The following CFAP299 variants were observed in gnomAD, a reference collection of about 807,000 sequenced individuals.
CFAP299 encodes the protein cilia and flagella associated protein 299, also known as cilia- and flagella-associated protein 299.
CFAP299 carries 21 observed loss-of-function variants against 27.0 expected under a neutral mutation model. The observed-to-expected ratio is 0.78, with a 90% confidence interval of 0.55 to 1.12. The LOEUF (loss-of-function observed/expected upper bound fraction) is 1.12, where lower values mean the gene tolerates loss of function less well. Ranked by LOEUF, CFAP299 falls within the 50% of genes most tolerant of loss-of-function variation. The pLI, the probability that CFAP299 is intolerant of heterozygous loss-of-function variation, is 0.00. For synonymous variants in CFAP299, 104 were observed against 98.1 expected (o/e 1.06, Z -0.36); for missense variants, 310 against 276.6 (o/e 1.12, Z -0.86).
intron 3 of CFAP299, among the ~76,000 whole-genome samples, chr4:80,778,589 T>A (rs1346011187): frequency 6.6e-6 from 1 of 152,108 alleles, no homozygotes; most frequent in Non-Finnish European, 1.5e-5. Flanking sequence ...TACAAATTAC[T>A]TTTAAGCTCT....
chr4:80,733,411 A>G (rs1324065171), intron 3 of CFAP299, among the ~76,000 whole-genome samples: 2 of 152,134 alleles, frequency 1.3e-5, no homozygotes, highest in African/African-American at 4.8e-5. Flanking sequence ...TAATCATATC[A>G]TGGAAAATTG....
chr4:80,355,426 C>T (rs529564549), intron 1 of CFAP299, among the ~76,000 whole-genome samples: 5 of 135,548 alleles, frequency 3.7e-5, no homozygotes, highest in South Asian at 4.7e-4. Context: ...GGCGCGATCT[C>T]GGCTCACTGC....
intron 4 of CFAP299, among the ~76,000 whole-genome samples, chr4:80,918,643 T>TA (rs1406801151): frequency 2.6e-5 from 4 of 152,018 alleles, no homozygotes; most frequent in Admixed American, 6.6e-5. Context: ...TGGTTTTATG[T>TA]AAAAAAAATT....
intron 2 of CFAP299, among the ~76,000 whole-genome samples, chr4:80,422,250 A>G (rs1727318927): frequency 6.6e-6 from 1 of 152,210 alleles, no homozygotes; most frequent in Non-Finnish European, 1.5e-5. Flanking sequence ...ACTATTCACC[A>G]TAGTGTCCTA....
intron 2 of CFAP299, among the ~76,000 whole-genome samples, chr4:80,366,473 T>A (rs907418884): frequency 9.9e-5 from 15 of 152,172 alleles, no homozygotes; most frequent in Admixed American, 1.3e-4. Context: ...AAAAAAATAT[T>A]TTGGGCTTCT....
intron 3 of CFAP299, among the ~76,000 whole-genome samples, chr4:80,811,573 GA>G (rs2110117091): frequency 6.6e-6 from 1 of 152,236 alleles, no homozygotes; most frequent in East Asian, 1.9e-4. Flanking sequence ...TGCAGCTACA[GA>G]CTGTCCCTTT....
chr4:80,788,063 C>T (rs1233102647), intron 3 of CFAP299, among the ~76,000 whole-genome samples: 2 of 151,974 alleles, frequency 1.3e-5, no homozygotes, highest in African/African-American at 4.8e-5. Context: ...TGCAATGGGA[C>T]TTGAGATTTT....
chr4:80,355,191 T>C (rs1449961101), intron 1 of CFAP299, among the ~76,000 whole-genome samples: 2 of 152,080 alleles, frequency 1.3e-5, no homozygotes, highest in Non-Finnish European at 2.9e-5. Flanking sequence ...CATCTGTTAT[T>C]TTTTGACTTT....
At chr4:80,808,285 A>G (rs1402662707) in intron 3 of CFAP299, among the ~76,000 whole-genome samples, 1 of 152,110 alleles carries the variant, frequency 6.6e-6, no homozygotes, top group South Asian at 2.1e-4. Context: ...TCAGAATTCC[A>G]TTTGAAGAAA....
chr4:80,456,064 A>G (rs1729137448), intron 2 of CFAP299, among the ~76,000 whole-genome samples: 1 of 152,178 alleles, frequency 6.6e-6, no homozygotes, highest in South Asian at 2.1e-4. Flanking sequence ...GAGGATGATC[A>G]AGAAAGGCCT....
chr4:80,695,754 A>G (rs1389521644), intron 3 of CFAP299, among the ~76,000 whole-genome samples: 1 of 147,900 alleles, frequency 6.8e-6, no homozygotes, highest in African/African-American at 2.5e-5. Context: ...CTCACTGCAC[A>G]CTCAACCTTC....
At position 80,439,231 on chromosome 4, in the gene CFAP299, T is replaced by A. The variant is rs182754675; in HGVS notation, c.242+76347T>A. Among the ~76,000 whole-genome samples the A allele has an allele frequency of 2.0e-5, 3 of 152,320 alleles. No homozygotes were observed. The East Asian group carries it at 5.8e-4, about 29-fold the overall frequency. On this transcript the variant is annotated intron_variant, in intron 2 of 5. Transcript: ENST00000358105. ...GGAATCTTTAGTTTGTTGCTTACTC[T>A]AAAAAAGCAATTAGGGTTTCAGGGC...
chr4:80,726,958 A>G (rs1403422498), intron 3 of CFAP299, among the ~76,000 whole-genome samples: 5 of 152,084 alleles, frequency 3.3e-5, no homozygotes, highest in African/African-American at 1.2e-4. Context: ...AATTTAGTTC[A>G]GAAAAAAAAT....
chr4:80,768,901 A>G (rs1313646870), intron 3 of CFAP299, among the ~76,000 whole-genome samples: 1 of 152,202 alleles, frequency 6.6e-6, no homozygotes, highest in African/African-American at 2.4e-5. Context: ...TACCTTAACA[A>G]TAATTAATAG....
intron 3 of CFAP299, among the ~76,000 whole-genome samples, chr4:80,753,254 G>T (rs1320769799): frequency 6.6e-6 from 1 of 151,412 alleles, no homozygotes; most frequent in Non-Finnish European, 1.5e-5. Flanking sequence ...AATATTTTGG[G>T]TGATTTTATA....
At chr4:80,423,437 C>T (rs976259181) in intron 2 of CFAP299, among the ~76,000 whole-genome samples, 1 of 152,082 alleles carries the variant, frequency 6.6e-6, no homozygotes, top group African/African-American at 2.4e-5. Flanking sequence ...AATTTGTTGC[C>T]AAAAGCCCTT....
intron 2 of CFAP299, among the ~76,000 whole-genome samples, chr4:80,531,419 A>G (rs1426095784): frequency 1.3e-5 from 2 of 152,322 alleles, no homozygotes; most frequent in East Asian, 3.9e-4. Flanking sequence ...AATTTTCAAT[A>G]TTTTAGCTTG....
At chr4:80,499,875 C>T (rs1272655056) in intron 2 of CFAP299, among the ~76,000 whole-genome samples, 2 of 152,094 alleles carry the variant, frequency 1.3e-5, no homozygotes, top group African/African-American at 4.8e-5. Flanking sequence ...CTAAACCTTG[C>T]CATTCACATC....
At chr4:80,882,025 A>C (rs1332756034) in intron 4 of CFAP299, among the ~76,000 whole-genome samples, 1 of 152,184 alleles carries the variant, frequency 6.6e-6, no homozygotes, top group African/African-American at 2.4e-5. Context: ...AGTAGGTTTA[A>C]AGACAGGTTA....
Sources: allele counts gnomAD v4.1 joint callset (sites outside exome capture counted in the v4.1 genomes callset), GRCh38; gene constraint gnomAD v4.1.1; transcripts MANE v1.5; gene names NCBI Gene and HGNC (gene_info 2026-07-23, HGNC 2026-07-21).